Variants in EFR3B observed in about 807,000 individuals in gnomAD.
EFR3B encodes the protein EFR3 homolog B.
A neutral mutation model predicts 104.7 loss-of-function variants in EFR3B; 64 were observed. The ratio of observed to expected loss-of-function variants is 0.61; its 90% confidence interval spans 0.50 to 0.75. The LOEUF (loss-of-function observed/expected upper bound fraction) is 0.75. EFR3B is among the 30% of genes least tolerant of loss of function. EFR3B has a pLI of 0.00. For synonymous variants in EFR3B, 385 were observed against 417.9 expected (o/e 0.92, Z 0.96); for missense variants, 750 against 1,078.5 (o/e 0.70, Z 4.27).
chr2:25,129,966 T>C lies in EFR3B; in HGVS notation c.636-9T>C. ...GCCACCCTCTACCCATGTGCCTCTGTCTCCCCAGCCGGTCTCCCTCACCCC... is the reference window on the plus strand; with the variant it reads ...GCCACCCTCTACCCATGTGCCTCTGCCTCCCCAGCCGGTCTCCCTCACCCC... On this transcript the variant is annotated splice_polypyrimidine_tract_variant and intron_variant, in intron 6 of 22. Transcript: ENST00000403714. The C allele has an allele frequency of 1.3e-6, 2 of 1,551,088 alleles. No individual in the cohort carries two copies. The highest frequency in any genetic ancestry group is 1.7e-6 in the Non-Finnish European group (2 of 1,146,940).
chr2:25,142,493 A>G (rs936947876), intron 17 of EFR3B, among the ~76,000 whole-genome samples: 1 of 149,502 alleles, frequency 6.7e-6, no homozygotes, highest in African/African-American at 2.5e-5. Flanking sequence ...GCTTATGCCT[A>G]TGTAATCCCA....
Position 25,104,703 on chromosome 2 carries a change from C to T in EFR3B, c.363+916C>T, listed in dbSNP as rs527564764. Among the ~76,000 whole-genome samples, 3 of 152,294 alleles carry T rather than the reference C, an allele frequency of 2.0e-5. No homozygotes were observed. In the East Asian group the frequency reaches 5.8e-4, roughly 29 times the overall value. On this transcript the variant is annotated intron_variant, in intron 4 of 22. Coordinates refer to ENST00000403714, the MANE Select transcript of EFR3B (RefSeq NM_014971.2). ...AGGTACCAGATCAGTGGAAAGACCA[C>T]GGGGAAGCAGGACACGGGGCTTCTG...
At position 25,154,411 on chromosome 2, in the gene EFR3B, C is replaced by A; in HGVS notation, c.*71C>A. 1 of 1,339,794 alleles carries A rather than the reference C, an allele frequency of 7.5e-7. No homozygotes were observed. The highest frequency in any genetic ancestry group is 1.0e-6 in the Non-Finnish European group (1 of 962,054). 83.0% of individuals were successfully genotyped at this position (1,339,794 alleles called of 1,614,324 possible). A position where few individuals can be genotyped will look rare whatever the true frequency, so the allele number is the denominator to read the frequency against. ...GCTCACCTCACGCCCACCCCGACCA[C>A]ATGGAGATCTGGCTGTGATCTCTGA... On this transcript the variant is annotated 3_prime_UTR_variant, in exon 23 of 23. Coordinates refer to ENST00000403714, the MANE Select transcript of EFR3B (RefSeq NM_014971.2). This position sits in a 1 kb window ranked among gnomAD's most constrained non-coding sequence, Gnocchi z 4.1.
intron 4 of EFR3B, among the ~76,000 whole-genome samples, chr2:25,115,660 C>T (rs1669837443): frequency 1.3e-5 from 2 of 152,278 alleles, no homozygotes; most frequent in Non-Finnish European, 2.9e-5. Flanking sequence ...GGGAGATTAT[C>T]TTGGATTTTC....
rs538368542 is a variant in EFR3B, at chr2:25,137,641, C to T, written c.1722+139C>T. 15 of 1,281,454 alleles carry T rather than the reference C, an allele frequency of 1.2e-5. No homozygotes were observed. Among genetic ancestry groups the T allele is most frequent in the East Asian group, 5.1e-5 (2 of 39,144 alleles). The allele number at this position is 1,281,454 out of a possible 1,614,324, so 79.4% of individuals were successfully genotyped here. Reference sequence around the variant, plus strand: ...GGAATATTGTACTCGTGGTTGGCCACGCCTCCCTGAAGACCCCAAACCATG... The same window carrying T: ...GGAATATTGTACTCGTGGTTGGCCATGCCTCCCTGAAGACCCCAAACCATG... On this transcript the variant is annotated intron_variant, in intron 15 of 22. Coordinates refer to ENST00000403714, the MANE Select transcript of EFR3B (RefSeq NM_014971.2). The surrounding 1 kb of genome is among the most constrained non-coding windows in gnomAD (Gnocchi z 4.7).
chr2:25,053,152 G>GAAGCAGGGCA (rs1466548447), intron 1 of EFR3B, among the ~76,000 whole-genome samples: 44 of 152,354 alleles, frequency 2.9e-4, no homozygotes, highest in Admixed American at 7.8e-4. Context: ...GGAAGGGCAA[G>GAAGCAGGGCA]AGAATGTAAG....
At chr2:25,077,035 T>A (rs1449651245) in intron 1 of EFR3B, among the ~76,000 whole-genome samples, 1 of 152,230 alleles carries the variant, frequency 6.6e-6, no homozygotes, top group Non-Finnish European at 1.5e-5. Flanking sequence ...CAATCCTGAA[T>A]CTTTCCCAGA....
chr2:25,145,551 G>A (rs893165139), intron 19 of EFR3B: 1 of 163,042 alleles, frequency 6.1e-6, no homozygotes, highest in African/African-American at 2.4e-5. Flanking sequence ...TTCAGCCTAG[G>A]TGACAGAGTG....
rs1193303678 is a variant in EFR3B at position 25,157,351 on chromosome 2, TCTC to T, written c.*3015_*3017del. On this transcript the variant is annotated 3_prime_UTR_variant, in exon 23 of 23. Transcript: ENST00000403714. ...TGAAGGTGAGTGTGATAGTAGGTAA[TCTC>T]CTCACCCCAGCACAGGCCCTGGGAG... 2 of 152,086 alleles carry T rather than the reference TCTC, an allele frequency of 1.3e-5. No individual in the cohort carries two copies. Among genetic ancestry groups the T allele is most frequent in the African/African-American group, 2.4e-5 (1 of 41,372 alleles). 9.4% of individuals were successfully genotyped at this position (152,086 alleles called of 1,614,324 possible).
At chr2:25,103,575 C>A in intron 3 of EFR3B, 62 bp from the exon 4 acceptor site, 2 of 1,517,014 alleles carry the variant, frequency 1.3e-6, no homozygotes, top group East Asian at 2.5e-5. Flanking sequence ...ACCTTGCATG[C>A]CCTGGTTGGG....
At chr2:25,149,627 G>A in intron 19 of EFR3B, 67 bp from the exon 20 acceptor site, 1 of 1,478,804 alleles carries the variant, frequency 6.8e-7, no homozygotes, top group Non-Finnish European at 9.2e-7. Flanking sequence ...AGAGAGCTGG[G>A]GGTGCCAGGG....
At chr2:25,050,289 G>A (rs949686408) in intron 1 of EFR3B, among the ~76,000 whole-genome samples, 1 of 152,176 alleles carries the variant, frequency 6.6e-6, no homozygotes, top group Admixed American at 6.5e-5. Flanking sequence ...GCAGGGTGGT[G>A]GGAGGTGATG....
chr2:25,109,236 T>C (rs914625416), intron 4 of EFR3B, among the ~76,000 whole-genome samples: 1 of 149,992 alleles, frequency 6.7e-6, no homozygotes, highest in African/African-American at 2.5e-5. Flanking sequence ...AAAAAAGATA[T>C]ACAAATGGCA....
intron 6 of EFR3B, among the ~76,000 whole-genome samples, chr2:25,129,440 GTC>G (rs1388504996): frequency 6.9e-6 from 1 of 145,484 alleles, no homozygotes; most frequent in African/African-American, 2.5e-5. Context: ...AGCTGCTGTG[GTC>G]TCTGGGCTGG....
intron 1 of EFR3B, among the ~76,000 whole-genome samples, chr2:25,052,960 C>A (rs950492799): frequency 6.6e-6 from 1 of 152,194 alleles, no homozygotes; most frequent in Non-Finnish European, 1.5e-5. Flanking sequence ...AGTTTAATAA[C>A]TTCTCCATGG....
chr2:25,142,482 G>A (rs1670696506), intron 17 of EFR3B, among the ~76,000 whole-genome samples: 1 of 149,512 alleles, frequency 6.7e-6, no homozygotes, highest in Non-Finnish European at 1.5e-5. Context: ...CGGTCACAGT[G>A]GCTTATGCCT....
In EFR3B at chr2:25,151,970, A is replaced by G. The variant is rs948713573; in HGVS notation, c.2248A>G (p.Lys750Glu). 4 of 1,551,538 alleles carry G rather than the reference A, an allele frequency of 2.6e-6. No individual in the cohort carries two copies. The highest frequency in any genetic ancestry group is 3.5e-6 in the Non-Finnish European group (4 of 1,146,990). ...TGAGCGGCGGCGGCAGGTGGTGGAG[A>G]AGTTCCAGAAGGCACCCTTCGAGGA... ...ERERRRQVVE[K>E]FQKAPFEEIA... The change falls in exon 21 of 23, where the codon AAG becomes GAG. Residue 750 changes from lysine to glutamate, a missense_variant. Coordinates refer to ENST00000403714, the MANE Select transcript of EFR3B (RefSeq NM_014971.2).
rs1238023862 is a variant in EFR3B, at chr2:25,114,937, G to C, written c.364-6736G>C. 6.6e-6 allele frequency among the ~76,000 whole-genome samples: 1 copy of C among 152,294 alleles called. No individual in the cohort carries two copies. The highest frequency in any genetic ancestry group is 2.1e-4 in the South Asian group (1 of 4,826). On this transcript the variant is annotated intron_variant, in intron 4 of 22. Coordinates refer to ENST00000403714, the MANE Select transcript of EFR3B (RefSeq NM_014971.2). The surrounding 1 kb of genome is among the most constrained non-coding windows in gnomAD (Gnocchi z 4.0). ...GCAGTGGCTGACGCCTGTAATCCCAGCACTTTGGGAAGCCAAGCTGGGTGG... is the reference window on the plus strand; with the variant it reads ...GCAGTGGCTGACGCCTGTAATCCCACCACTTTGGGAAGCCAAGCTGGGTGG...
At chr2:25,121,616 A>G in intron 4 of EFR3B, 57 bp from the exon 5 acceptor site, 1 of 1,547,162 alleles carries the variant, frequency 6.5e-7, no homozygotes. Context: ...GATGCCCAGC[A>G]GTGAGAAGCA....
Sources: allele counts gnomAD v4.1 joint callset (sites outside exome capture counted in the v4.1 genomes callset), GRCh38; gene constraint gnomAD v4.1.1; non-coding constraint Gnocchi (gnomAD v3.1); transcripts MANE v1.5; gene names NCBI Gene and HGNC (gene_info 2026-07-23, HGNC 2026-07-21).